The following CDH18 variants were observed in gnomAD, a reference collection of about 807,000 sequenced individuals.
CDH18 encodes cadherin 18, also known as cadherin-18.
In CDH18, 31 loss-of-function variants were observed where a neutral mutation model predicts 67.9. The ratio of observed to expected loss-of-function variants is 0.46; its 90% CI spans 0.34 to 0.62. CDH18 has a LOEUF of 0.62. Ranked by LOEUF, CDH18 falls within the 20% of genes least tolerant of loss-of-function variation. The pLI is 0.01. For missense variants in CDH18, 890 were observed against 975.5 expected (o/e 0.91, Z 1.17); for synonymous variants, 362 against 347.2 (o/e 1.04, Z -0.48).
chr5:20,241,848 T>A (rs1476729365), intron 2 of CDH18, among the ~76,000 whole-genome samples: 1 of 73,538 alleles, frequency 1.4e-5, no homozygotes, highest in African/African-American at 8.3e-5. Context: ...GGAGACCCTG[T>A]CGCAAAAAAA....
intron 2 of CDH18, among the ~76,000 whole-genome samples, chr5:19,925,918 G>T (rs1293135857): frequency 6.6e-6 from 1 of 152,136 alleles, no homozygotes; most frequent in East Asian, 1.9e-4. Flanking sequence ...ATGGCACCAG[G>T]TATGGTCTAT....
chr5:20,020,434 C>T (rs1447986232), intron 2 of CDH18, among the ~76,000 whole-genome samples: 2 of 152,018 alleles, frequency 1.3e-5, no homozygotes, highest in Admixed American at 6.5e-5. Flanking sequence ...CAGCTCCTCC[C>T]ATCAAAGGCC....
chr5:19,963,682 T>C (rs547344363), intron 2 of CDH18, among the ~76,000 whole-genome samples: 2 of 151,786 alleles, frequency 1.3e-5, no homozygotes, highest in Non-Finnish European at 2.9e-5. Flanking sequence ...GAACTGTGAG[T>C]CAATTAAACT....
At chr5:19,521,703 C>CTT (rs3841117) in intron 9 of CDH18, among the ~76,000 whole-genome samples, 61,882 of 151,540 alleles carry the variant, frequency 0.41, 12,774 homozygotes, top group South Asian at 0.51. Flanking sequence ...TAAAAAGTGT[C>CTT]AAGTAGCTCT....
intron 2 of CDH18, among the ~76,000 whole-genome samples, chr5:19,869,565 A>T (rs115827089): frequency 0.013 from 1,946 of 152,232 alleles, 36 homozygotes; most frequent in African/African-American, 0.044. Flanking sequence ...ACTGATTTGA[A>T]TAATAATTCT....
chr5:20,385,659 G>A (rs10060817), intron 1 of CDH18, among the ~76,000 whole-genome samples: 29,039 of 152,122 alleles, frequency 0.19, 3,058 homozygotes, highest in African/African-American at 0.26. Context: ...GAAACATCAA[G>A]AGGGGGATAT....
At chr5:20,280,327 T>C (rs1224207207) in intron 1 of CDH18, among the ~76,000 whole-genome samples, 1 of 152,144 alleles carries the variant, frequency 6.6e-6, no homozygotes, top group African/African-American at 2.4e-5. Flanking sequence ...TCATTTAACA[T>C]TAGGTTTATC....
chr5:20,088,087 T>C lies in CDH18; in HGVS notation c.-517-96073A>G, dbSNP rs77598073. Among the ~76,000 whole-genome samples the C allele has an allele frequency of 3.1e-3, 477 of 152,314 alleles. 1 individual carries two copies. Among genetic ancestry groups the C allele is most frequent in the Non-Finnish European group, 4.4e-3 (300 of 68,026 alleles). ...CTACAATTAAAAGACAATTGAAGGT[T>C]TGCAAATAACAACCCAGAAATTAGA... On this transcript the variant is annotated intron_variant, in intron 2 of 14. Transcript: ENST00000507958.
At chr5:19,865,324 A>C (rs1458194077) in intron 2 of CDH18, among the ~76,000 whole-genome samples, 3 of 152,084 alleles carry the variant, frequency 2.0e-5, no homozygotes, top group African/African-American at 7.2e-5. Context: ...TTCTCTTTCA[A>C]CTTGAAAAGC....
At chr5:20,406,255 A>T (rs1338528358) in intron 1 of CDH18, among the ~76,000 whole-genome samples, 3 of 152,178 alleles carry the variant, frequency 2.0e-5, no homozygotes, top group Admixed American at 2.0e-4. Context: ...ATGCAGCCAT[A>T]AAAAAGGATG....
chr5:19,576,418 C>CA (rs1207463344), intron 7 of CDH18, among the ~76,000 whole-genome samples: 1 of 151,668 alleles, frequency 6.6e-6, no homozygotes, highest in Non-Finnish European at 1.5e-5. Context: ...TCACTCTATT[C>CA]AAAAAATGGG....
chr5:19,654,706 T>G (rs966673545), intron 5 of CDH18, among the ~76,000 whole-genome samples: 9 of 152,136 alleles, frequency 5.9e-5, no homozygotes, highest in Non-Finnish European at 1.2e-4. Context: ...TCTTGTCTGG[T>G]GTCCAGGAAG....
chr5:19,701,995 C>T (rs985510909), intron 5 of CDH18, among the ~76,000 whole-genome samples: 3 of 152,016 alleles, frequency 2.0e-5, no homozygotes, highest in African/African-American at 7.2e-5. Context: ...TTTATCATGA[C>T]CTAAGTGGCT....
At position 20,287,141 on chromosome 5, in the gene CDH18, T is replaced by C. The variant is rs1746753107; in HGVS notation, c.-579-31636A>G. Reference sequence around the variant, plus strand: ...CTATGCCTAAGTGGATTGATATCTGTATTAGACAAAGTGGTGCATTAGCAG... The same window carrying C: ...CTATGCCTAAGTGGATTGATATCTGCATTAGACAAAGTGGTGCATTAGCAG... On this transcript the variant is annotated intron_variant, in intron 1 of 14. Coordinates refer to the CDH18 transcript ENST00000507958. Among the ~76,000 whole-genome samples, 2 of 151,804 alleles carry C rather than the reference T, an allele frequency of 1.3e-5. 1 individual carries two copies.
Position 20,332,422 on chromosome 5 carries a change from G to T in CDH18, c.-579-76917C>A, listed in dbSNP as rs531466286. Among the ~76,000 whole-genome samples the T allele has an allele frequency of 2.0e-5, 3 of 152,154 alleles. No homozygotes were observed. The South Asian group carries it at 6.2e-4, about 32-fold the overall frequency. ...AGAATAGACATATAAAATCATTCTT[G>T]TAATAAAAGGTCATTCCTGGTGAAC... is the stretch of plus-strand genomic sequence containing the variant. On this transcript the variant is annotated intron_variant, in intron 1 of 14. Transcript: ENST00000507958.
At chr5:20,347,296 A>T (rs1184053665) in intron 1 of CDH18, among the ~76,000 whole-genome samples, 1 of 152,120 alleles carries the variant, frequency 6.6e-6, no homozygotes, top group Non-Finnish European at 1.5e-5. Context: ...CCTTCTTCCG[A>T]GGCCTGCTAG....
At chr5:20,006,591 G>A (rs1000702396) in intron 2 of CDH18, among the ~76,000 whole-genome samples, 2 of 151,862 alleles carry the variant, frequency 1.3e-5, no homozygotes, top group Non-Finnish European at 2.9e-5. Context: ...TGATTTTCCG[G>A]TTTTCTACTT....
chr5:19,850,175 TTAA>T (rs1159009230), intron 2 of CDH18, among the ~76,000 whole-genome samples: 22 of 151,954 alleles, frequency 1.4e-4, no homozygotes, highest in African/African-American at 2.2e-4. Context: ...ATCTTCCTGA[TTAA>T]TAATAAGTCC....
At chr5:19,501,477 C>T (rs1046661135) in intron 11 of CDH18, among the ~76,000 whole-genome samples, 4 of 144,582 alleles carry the variant, frequency 2.8e-5, no homozygotes, top group Non-Finnish European at 4.5e-5. Flanking sequence ...AAAAACTAGC[C>T]AGGCATGGTA....
Sources: gnomAD v4.1 joint callset for allele counts (sites outside exome capture counted in the v4.1 genomes callset) on GRCh38, gnomAD v4.1.1 for gene constraint, MANE v1.5 for transcripts, NCBI Gene and HGNC (gene_info 2026-07-23, HGNC 2026-07-21) for gene names.